SYT1: variants seen among roughly 807,000 people sequenced by gnomAD.
The protein encoded by SYT1 is synaptotagmin-1.
Under a neutral mutation model 44.8 loss-of-function variants are expected in SYT1, and 8 were observed. The observed-to-expected ratio is 0.18, with a 90% CI of 0.10 to 0.32. SYT1 has a LOEUF of 0.32. Among genes scored for constraint, SYT1 ranks in the 10% least tolerant of loss-of-function variants. The pLI is 1.00. For synonymous variants in SYT1, 154 were observed against 188.8 expected (o/e 0.82, Z 1.51); for missense variants, 286 against 509.3 (o/e 0.56, Z 4.22).
intron 3 of SYT1, among the ~76,000 whole-genome samples, chr12:79,182,646 C>T (rs1387203125): frequency 6.6e-6 from 1 of 152,034 alleles, no homozygotes; most frequent in Non-Finnish European, 1.5e-5. Context: ...TTAATTGCAT[C>T]AATAGTTTTT....
chr12:79,015,237 G>A (rs541526630), intron 2 of SYT1, among the ~76,000 whole-genome samples: 1 of 151,842 alleles, frequency 6.6e-6, no homozygotes, highest in Non-Finnish European at 1.5e-5. Context: ...AATAAAAAAA[G>A]AAAATGCATT....
intron 3 of SYT1, 47 bp from the exon 4 acceptor site, chr12:79,217,456 G>GT: frequency 6.9e-7 from 1 of 1,458,360 alleles, no homozygotes; most frequent in South Asian, 1.5e-5. Context: ...TGTGGGAGCA[G>GT]TTAAGCCATT....
intron 1 of SYT1, among the ~76,000 whole-genome samples, chr12:78,948,411 T>A (rs777246662): frequency 2.6e-5 from 4 of 152,010 alleles, no homozygotes; most frequent in African/African-American, 7.2e-5. Flanking sequence ...ATGCTCACAC[T>A]ATTTAGCATA....
chr12:79,411,202 A>T (rs143552174), intron 9 of SYT1, among the ~76,000 whole-genome samples: 84 of 152,336 alleles, frequency 5.5e-4, no homozygotes, highest in African/African-American at 1.9e-3. Context: ...CGTCCTCAGC[A>T]TATGGCTTTC....
At chr12:79,225,035 C>T (rs1875430331) in intron 4 of SYT1, among the ~76,000 whole-genome samples, 1 of 151,734 alleles carries the variant, frequency 6.6e-6, no homozygotes, top group Non-Finnish European at 1.5e-5. Flanking sequence ...CCTGCCTTGG[C>T]CTCCCAAAGT....
chr12:79,165,569 C>T (rs1871180214), intron 3 of SYT1, among the ~76,000 whole-genome samples: 1 of 151,954 alleles, frequency 6.6e-6, no homozygotes, highest in African/African-American at 2.4e-5. Flanking sequence ...AGAAATTTAT[C>T]TTGATTGCAA....
At chr12:79,261,066 T>C (rs1327547335) in intron 4 of SYT1, among the ~76,000 whole-genome samples, 1 of 152,206 alleles carries the variant, frequency 6.6e-6, no homozygotes, top group African/African-American at 2.4e-5. Context: ...GTCATTGTTC[T>C]TGGGGGTTGT....
rs183314593 is a variant in SYT1 at position 79,217,837 on chromosome 12, T to C, written c.166+152T>C. The C allele has an allele frequency of 1.2e-3, 672 of 566,176 alleles. 6 individuals are homozygous for C. The highest frequency in any genetic ancestry group is 7.3e-3 in the Middle Eastern group (14 of 1,928). The allele number at this position is 566,176 out of a possible 1,614,324, so 35.1% of individuals were successfully genotyped here. A position where few individuals can be genotyped will look rare whatever the true frequency, so the allele number is the denominator to read the frequency against. On this transcript the variant is annotated intron_variant, in intron 4 of 10. Coordinates refer to ENST00000261205, the MANE Select transcript of SYT1 (RefSeq NM_005639.3). Reference sequence around the variant, plus strand: ...TAGTATCCCAATATAAAATGAAATATTCTTGGAAATGGAATATTCTTCTTG... The same window carrying C: ...TAGTATCCCAATATAAAATGAAATACTCTTGGAAATGGAATATTCTTCTTG...
chr12:79,338,710 G>A (rs1000115111), intron 8 of SYT1, among the ~76,000 whole-genome samples: 1 of 125,084 alleles, frequency 8.0e-6, no homozygotes, highest in African/African-American at 3.0e-5. Context: ...TAGGGTACAT[G>A]TGCACAATGT....
chr12:79,070,644 A>G lies in SYT1; in HGVS notation c.-18+23282A>G, dbSNP rs573074744. Among the ~76,000 whole-genome samples, 3 of 152,134 alleles carry G rather than the reference A, an allele frequency of 2.0e-5. No individual in the cohort carries two copies. The South Asian group carries it at 6.2e-4, about 32-fold the overall frequency. ...ACTTTATTCTGCAAAGCTAAACTAGAAAGATGTACTAAAGATTGTTTGGCA... is the reference window on the plus strand; with the variant it reads ...ACTTTATTCTGCAAAGCTAAACTAGGAAGATGTACTAAAGATTGTTTGGCA... On this transcript the variant is annotated intron_variant, in intron 3 of 10. Transcript: ENST00000261205.
intron 2 of SYT1, among the ~76,000 whole-genome samples, chr12:78,994,760 C>A (rs1349832508): frequency 6.6e-6 from 1 of 152,002 alleles, no homozygotes; most frequent in Admixed American, 6.6e-5. Flanking sequence ...TGGTCTTGAA[C>A]TCCTGACCTC....
intron 2 of SYT1, among the ~76,000 whole-genome samples, chr12:78,980,224 G>T (rs1565747143): frequency 6.6e-6 from 1 of 152,152 alleles, no homozygotes; most frequent in Non-Finnish European, 1.5e-5. Flanking sequence ...AAGACGGAAT[G>T]TCGTGATTAC....
At chr12:79,200,592 A>C (rs1449835196) in intron 3 of SYT1, among the ~76,000 whole-genome samples, 1 of 152,134 alleles carries the variant, frequency 6.6e-6, no homozygotes, top group African/African-American at 2.4e-5. Context: ...TTTACCTTGA[A>C]AAATGAGGGA....
intron 9 of SYT1, among the ~76,000 whole-genome samples, chr12:79,380,520 A>G (rs1321588075): frequency 6.6e-6 from 1 of 152,104 alleles, no homozygotes; most frequent in Non-Finnish European, 1.5e-5. Context: ...TCAGCCTCCC[A>G]AGTAGTCGGG....
At chr12:79,412,812 A>G (rs938871800) in intron 9 of SYT1, among the ~76,000 whole-genome samples, 3 of 152,110 alleles carry the variant, frequency 2.0e-5, no homozygotes, top group African/African-American at 7.2e-5. Flanking sequence ...TTGTTACCCT[A>G]CTATCTGAGT....
chr12:78,954,786 G>C (rs1019520009), intron 1 of SYT1, among the ~76,000 whole-genome samples: 1 of 152,012 alleles, frequency 6.6e-6, no homozygotes, highest in African/African-American at 2.4e-5. Context: ...ATCTAAAGGA[G>C]CCATTTGCTA....
intron 4 of SYT1, among the ~76,000 whole-genome samples, chr12:79,243,273 A>G (rs909812442): frequency 6.6e-6 from 1 of 152,062 alleles, no homozygotes; most frequent in Non-Finnish European, 1.5e-5. Context: ...TCGTTTTTTC[A>G]TGTTTGTTTT....
intron 3 of SYT1, among the ~76,000 whole-genome samples, chr12:79,160,084 G>A (rs1870855949): frequency 6.6e-6 from 1 of 152,142 alleles, no homozygotes; most frequent in Non-Finnish European, 1.5e-5. Flanking sequence ...AAATGATCAT[G>A]TTTTAAGATA....
intron 3 of SYT1, among the ~76,000 whole-genome samples, chr12:79,057,839 T>C (rs1046253734): frequency 2.0e-5 from 3 of 151,922 alleles, no homozygotes; most frequent in Non-Finnish European, 4.4e-5. Flanking sequence ...GGCTTCAGGC[T>C]GCTAAAAGCC....
Sources: gnomAD v4.1 joint callset for allele counts (sites outside exome capture counted in the v4.1 genomes callset) on GRCh38, gnomAD v4.1.1 for gene constraint, MANE v1.5 for transcripts, NCBI Gene and HGNC (gene_info 2026-07-23, HGNC 2026-07-21) for gene names.